The following OR52A1 variants were observed in gnomAD, a reference collection of about 807,000 sequenced individuals.
The protein encoded by OR52A1 is olfactory receptor family 52 subfamily A member 1.
A neutral mutation model predicts 14.3 loss-of-function variants in OR52A1; 14 were observed. The ratio of observed to expected loss-of-function variants is 0.98; its 90% CI spans 0.65 to 1.54. OR52A1 has a LOEUF of 1.54. Ranked by LOEUF, OR52A1 falls within the 40% of genes most tolerant of loss-of-function variation. OR52A1 has a pLI of 0.00. For missense variants in OR52A1, 405 were observed against 381.3 expected (o/e 1.06, Z -0.52); for synonymous variants, 151 against 135.3 (o/e 1.12, Z -0.80).
At position 5,151,207 on chromosome 11, in the gene OR52A1, A is replaced by C; in HGVS notation, c.*224T>G. The C allele has an allele frequency of 2.5e-6, 1 of 395,736 alleles. No individual in the cohort carries two copies. Among genetic ancestry groups the C allele is most frequent in the Non-Finnish European group, 4.5e-6 (1 of 224,470 alleles). The allele number at this position is 395,736 out of a possible 1,614,324, so 24.5% of individuals were successfully genotyped here. A position where few individuals can be genotyped will look rare whatever the true frequency, so the allele number is the denominator to read the frequency against. On this transcript the variant is annotated 3_prime_UTR_variant, in exon 2 of 2. Coordinates refer to ENST00000380367, the MANE Select transcript of OR52A1 (RefSeq NM_012375.3). ...AGGGGCTAAAGAATAAAAGAGAAAA[A>C]ATAATATATATTCACTACTTCACTC...
Position 5,151,264 on chromosome 11 carries a change from A to G in OR52A1, c.*167T>C. 1.6e-6 allele frequency: 1 copy of G among 606,556 alleles called. No homozygotes were observed. Among genetic ancestry groups the G allele is most frequent in the Non-Finnish European group, 2.9e-6 (1 of 343,260 alleles). The allele number at this position is 606,556 out of a possible 1,614,324, so 37.6% of individuals were successfully genotyped here. On this transcript the variant is annotated 3_prime_UTR_variant, in exon 2 of 2. Coordinates refer to ENST00000380367, the MANE Select transcript of OR52A1 (RefSeq NM_012375.3). Reference sequence around the variant, plus strand: ...CACTTCTCACTTTCATTAGTCACGTAGAATTCACAATCCCACTGATTGATA... The same window carrying G: ...CACTTCTCACTTTCATTAGTCACGTGGAATTCACAATCCCACTGATTGATA...
chr11:5,151,565 A>T lies in OR52A1; in HGVS notation c.805T>A (p.Ser269Thr). 2 of 1,613,898 alleles carry T rather than the reference A, an allele frequency of 1.2e-6. No homozygotes were observed. Among genetic ancestry groups the T allele is most frequent in the Non-Finnish European group, 1.7e-6 (2 of 1,179,930 alleles). ...ATATGGATATAAGGGGAGATGTGAG[A>T]CCCAAACCTATGTGTGAAGAAGGAG... ...FFSFFTHRFG[S>T]HISPYIHILF... Residue 269 changes from serine to threonine, a missense_variant, in exon 2 of 2, where the codon TCT (serine) becomes ACT (threonine). Coordinates refer to ENST00000380367, the MANE Select transcript of OR52A1 (RefSeq NM_012375.3).
In OR52A1 at chr11:5,151,252, C is replaced by A; in HGVS notation, c.*179G>T. ...TCACTCATTTCACACTTCTCACTTT[C>A]ATTAGTCACGTAGAATTCACAATCC... On this transcript the variant is annotated 3_prime_UTR_variant, in exon 2 of 2. Coordinates refer to ENST00000380367, the MANE Select transcript of OR52A1 (RefSeq NM_012375.3). The A allele has an allele frequency of 1.7e-6, 1 of 571,840 alleles. No individual in the cohort carries two copies. Among genetic ancestry groups the A allele is most frequent in the Non-Finnish European group, 3.1e-6 (1 of 324,460 alleles). 35.4% of individuals were successfully genotyped at this position (571,840 alleles called of 1,614,324 possible).
chr11:5,153,239 C>A (rs1846569752), intron 1 of OR52A1, among the ~76,000 whole-genome samples: 1 of 152,168 alleles, frequency 6.6e-6, no homozygotes, highest in Non-Finnish European at 1.5e-5. Context: ...GCAAATGAAT[C>A]ATTTAGCCAG....
At position 5,149,552 on chromosome 11, in the gene OR52A1, G is replaced by A. The variant is rs916796696; in HGVS notation, c.*1879C>T. 6.6e-6 allele frequency: 1 copy of A among 152,002 alleles called. No individual in the cohort carries two copies. The highest frequency in any genetic ancestry group is 2.4e-5 in the African/African-American group (1 of 41,378). 9.4% of individuals were successfully genotyped at this position (152,002 alleles called of 1,614,324 possible). On this transcript the variant is annotated 3_prime_UTR_variant, in exon 2 of 2. Transcript: ENST00000380367. ...AATTAGTAGACCTTCTTTAATTAAAGACAATGCAATTATTATTGTTAATAT... is the reference window on the plus strand; with the variant it reads ...AATTAGTAGACCTTCTTTAATTAAAAACAATGCAATTATTATTGTTAATAT...
Position 5,151,808 on chromosome 11 carries a change from C to G in OR52A1, c.562G>C (p.Val188Leu). Residue 188 changes from valine to leucine, a missense_variant, in exon 2 of 2, where the codon GTG becomes CTG. Val to Leu is a conservative substitution (Grantham distance 32). Transcript: ENST00000380367. ...TGAACATTTGCTGCTGCTAGTTTCACAATGGCCATATGCTCACAGTAGGAG... is the reference window on the plus strand; with the variant it reads ...TGAACATTTGCTGCTGCTAGTTTCAGAATGGCCATATGCTCACAGTAGGAG... ...SHSYCEHMAIVKLAAANVQVN... is the reference protein window; with the variant it reads ...SHSYCEHMAILKLAAANVQVN... 6.2e-7 allele frequency: 1 copy of G among 1,614,160 alleles called. No individual in the cohort carries two copies. Among genetic ancestry groups the G allele is most frequent in the Non-Finnish European group, 8.5e-7 (1 of 1,180,016 alleles).
rs1479852708 is a variant in OR52A1, at chr11:5,153,883, G to GGA, written c.-322+562_-322+563dup. ...AGTAACAAGGAAGAAAGAGAAAAGA[G>GGA]GAAATGGATACAAGTTTACTCAAAT... On this transcript the variant is annotated intron_variant, in intron 1 of 1. Transcript: ENST00000380367. Among the ~76,000 whole-genome samples, 5 of 148,126 alleles carry GGA rather than the reference G, an allele frequency of 3.4e-5. No homozygotes were observed. The East Asian group carries it at 9.8e-4, about 29-fold the overall frequency.
Position 5,151,537 on chromosome 11 carries a change from A to C in OR52A1, c.833T>G (p.Leu278Arg), listed in dbSNP as rs746950927. 1.6e-5 allele frequency: 26 copies of C among 1,613,312 alleles called. 1 individual carries two copies. ...GACCAGCAAGTAAATGCTAGAAAAG[A>C]GAATATGGATATAAGGGGAGATGTG... ...GSHISPYIHI[L>R]FSSIYLLVPP... The change falls in exon 2 of 2, where the codon CTC becomes CGC. Residue 278 changes from leucine to arginine, a missense_variant. By Grantham distance (102) the Leu-to-Arg change is moderately radical (BLOSUM62 -2). Coordinates refer to ENST00000380367, the MANE Select transcript of OR52A1 (RefSeq NM_012375.3).
rs948595402 is a variant in OR52A1 at position 5,150,594 on chromosome 11, T to C, written c.*837A>G. On this transcript the variant is annotated 3_prime_UTR_variant, in exon 2 of 2. Transcript: ENST00000380367. Reference sequence around the variant, plus strand: ...CCCTGCTTTGGTTAGATTTCAATGCTTCATTCTCTCTGAACTCCACATCCT... The same window carrying C: ...CCCTGCTTTGGTTAGATTTCAATGCCTCATTCTCTCTGAACTCCACATCCT... The C allele has an allele frequency of 6.6e-6, 1 of 152,200 alleles. No homozygotes were observed. The highest frequency in any genetic ancestry group is 2.4e-5 in the African/African-American group (1 of 41,446). The allele number at this position is 152,200 out of a possible 1,614,324, so 9.4% of individuals were successfully genotyped here.
At position 5,152,363 on chromosome 11, in the gene OR52A1, T is replaced by G; in HGVS notation, c.7A>C (p.Ile3Leu). ...GGCATGTAGACTGTGATGTTGGAAA[T>G]GGACATAGTGTCGTTGGGTCTCCTG... Reference protein sequence around the residue: MSISNITVYMPSV... With the variant: MSLSNITVYMPSV... The change falls in exon 2 of 2, where the codon ATT becomes CTT. Residue 3 changes from isoleucine (I) to leucine (L), a missense_variant. Ile to Leu is a conservative substitution (Grantham distance 5). Transcript: ENST00000380367. 1 of 1,593,864 alleles carries G rather than the reference T, an allele frequency of 6.3e-7. No individual in the cohort carries two copies. The highest frequency in any genetic ancestry group is 8.6e-7 in the Non-Finnish European group (1 of 1,165,534).
chr11:5,151,359 GT>G lies in OR52A1; in HGVS notation c.*71del, dbSNP rs1337763810. 1.6e-6 allele frequency: 2 copies of G among 1,257,872 alleles called. No homozygotes were observed. Among genetic ancestry groups the G allele is most frequent in the African/African-American group, 3.0e-5 (2 of 66,480 alleles). 77.9% of individuals were successfully genotyped at this position (1,257,872 alleles called of 1,614,324 possible). A position where few individuals can be genotyped will look rare whatever the true frequency, so the allele number is the denominator to read the frequency against. ...ACAAACCCAGCATCTCAAATAATAT[GT>G]TTTTTGTTTTGTTTTGATATGGTTA... On this transcript the variant is annotated 3_prime_UTR_variant, in exon 2 of 2. Coordinates refer to ENST00000380367, the MANE Select transcript of OR52A1 (RefSeq NM_012375.3).
At position 5,151,463 on chromosome 11, in the gene OR52A1, G is replaced by T; in HGVS notation, c.907C>A (p.Arg303Ser). Residue 303 changes from arginine to serine, a missense_variant, in exon 2 of 2, where the codon CGC becomes AGC. By Grantham distance (110) the Arg-to-Ser change is moderately radical. Transcript: ENST00000380367. Reference protein sequence around the residue: ...LVYGAKTTQIRIHVVKMFCS With the variant: ...LVYGAKTTQISIHVVKMFCS ...CAGAACATTTTTACCACATGAATGC[G>T]AATCTGTGTGGTCTTTGCACCATAG... 6.2e-7 allele frequency: 1 copy of T among 1,611,746 alleles called. No individual in the cohort carries two copies. Among genetic ancestry groups the T allele is most frequent in the Non-Finnish European group, 8.5e-7 (1 of 1,179,094 alleles).
intron 1 of OR52A1, among the ~76,000 whole-genome samples, chr11:5,153,355 T>A (rs1846571266): frequency 1.3e-5 from 2 of 152,340 alleles, no homozygotes; most frequent in Non-Finnish European, 2.9e-5. Context: ...GAGATGCTTA[T>A]ATAATTTTGT....
Position 5,152,023 on chromosome 11 carries a change from A to G in OR52A1, c.347T>C (p.Ile116Thr). The G allele has an allele frequency of 6.2e-7, 1 of 1,614,100 alleles. No individual in the cohort carries two copies. Among genetic ancestry groups the G allele is most frequent in the East Asian group, 2.2e-5 (1 of 44,878 alleles). ...ACGGTCCAGGGCCATGGCCACAAGG[A>G]TGCCTGACTCTATACCCTGCAATGT... ...IHTLQGIESG[I>T]LVAMALDRYV... Residue 116 changes from isoleucine to threonine, a missense_variant, in exon 2 of 2, where the codon ATC (isoleucine) becomes ACC (threonine). Physicochemically the swap from Ile to Thr is moderately conservative, Grantham distance 89 (BLOSUM62 -1). Coordinates refer to ENST00000380367, the MANE Select transcript of OR52A1 (RefSeq NM_012375.3).
rs1846500508 is a variant in OR52A1 at position 5,148,089 on chromosome 11, C to T, written c.*3342G>A. On this transcript the variant is annotated 3_prime_UTR_variant, in exon 2 of 2. Transcript: ENST00000380367. ...TGAAATGGAGACCGCTTAGGAATATCAGCATAGAAGGCTTGTTGCCAAAGG... is the reference window on the plus strand; with the variant it reads ...TGAAATGGAGACCGCTTAGGAATATTAGCATAGAAGGCTTGTTGCCAAAGG... The T allele has an allele frequency of 6.6e-6, 1 of 152,114 alleles. No individual in the cohort carries two copies. The highest frequency in any genetic ancestry group is 1.9e-4 in the East Asian group (1 of 5,196). 9.4% of individuals were successfully genotyped at this position (152,114 alleles called of 1,614,324 possible). A position where few individuals can be genotyped will look rare whatever the true frequency, so the allele number is the denominator to read the frequency against.
At position 5,151,198 on chromosome 11, in the gene OR52A1, A is replaced by G; in HGVS notation, c.*233T>C. The G allele has an allele frequency of 2.7e-6, 1 of 368,254 alleles. No homozygotes were observed. Among genetic ancestry groups the G allele is most frequent in the Non-Finnish European group, 4.8e-6 (1 of 207,406 alleles). 22.8% of individuals were successfully genotyped at this position (368,254 alleles called of 1,614,324 possible). ...AACTCAACCAGGGGCTAAAGAATAA[A>G]AGAGAAAAAATAATATATATTCACT... is the stretch of plus-strand genomic sequence containing the variant. On this transcript the variant is annotated 3_prime_UTR_variant, in exon 2 of 2. Transcript: ENST00000380367.
rs1846551736 is a variant in OR52A1, at chr11:5,152,120, G to A, written c.250C>T (p.Leu84Phe). 1.2e-6 allele frequency: 2 copies of A among 1,613,976 alleles called. No individual in the cohort carries two copies. The highest frequency in any genetic ancestry group is 8.5e-7 in the Non-Finnish European group (1 of 1,179,964). The change falls in exon 2 of 2, where the codon CTT becomes TTT. Residue 84 changes from leucine (L) to phenylalanine (F), a missense_variant. Transcript: ENST00000380367. The stretch of plus-strand genomic sequence containing the variant: ...GGCACATTAAACCAGAATATTCCAA[G>A]CATCTTTGGCATAATGCTGCTAGCA... ...ALASSIMPKM[L>F]GIFWFNVPEI...
intron 1 of OR52A1, among the ~76,000 whole-genome samples, chr11:5,153,585 C>A (rs1252511988): frequency 1.3e-5 from 2 of 152,084 alleles, no homozygotes; most frequent in South Asian, 2.1e-4. Context: ...TATAAAAGTT[C>A]TCTGATCAAA....
Position 5,151,767 on chromosome 11 carries a change from A to C in OR52A1, c.603T>G (p.Tyr201Ter). 1 of 1,614,186 alleles carries C rather than the reference A, an allele frequency of 6.2e-7. No individual in the cohort carries two copies. Among genetic ancestry groups the C allele is most frequent in the Non-Finnish European group, 8.5e-7 (1 of 1,180,008 alleles). Residue 201 changes from tyrosine to a stop codon, truncating the protein, a stop_gained, in exon 2 of 2, where the codon TAT (tyrosine) becomes TAG (stop). Transcript: ENST00000380367. LOFTEE classifies it high-confidence loss of function. ...AAANVQVNKI[Y>*]GLFVAFTVAG... Reference sequence around the variant, plus strand: ...CTACAGTGAAGGCCACAAACAAACCATAGATTTTGTTGACTTGAACATTTG... The same window carrying C: ...CTACAGTGAAGGCCACAAACAAACCCTAGATTTTGTTGACTTGAACATTTG...
Sources: allele counts gnomAD v4.1 joint callset (sites outside exome capture counted in the v4.1 genomes callset), GRCh38; gene constraint gnomAD v4.1.1; transcripts MANE v1.5; gene names NCBI Gene and HGNC (gene_info 2026-07-23, HGNC 2026-07-21).